The following NEB variants were observed in gnomAD, a reference collection of about 807,000 sequenced individuals.
NEB encodes the protein nebulin.
A neutral mutation model predicts 952.2 loss-of-function variants in NEB; 512 were observed. That is an observed-to-expected ratio of 0.54 (90% CI 0.50 to 0.58). The LOEUF is 0.58. Ranked by LOEUF, NEB falls within the 20% of genes least tolerant of loss-of-function variation. The probability of loss-of-function intolerance (pLI) is 0.00; values close to 1 mark genes in which losing one functional copy is unlikely to be tolerated. For missense variants in NEB, 8,428 were observed against 9,231.1 expected (o/e 0.91, Z 3.56); for synonymous variants, 2,900 against 3,149.8 (o/e 0.92, Z 2.66).
chr2:151,708,041 G>C, intron 12 of NEB, among the ~76,000 whole-genome samples: 1 of 152,144 alleles, frequency 6.6e-6, no homozygotes, highest in East Asian at 1.9e-4. Flanking sequence ...CCCCTGTTAT[G>C]CAGATGAACT....
intron 181 of NEB, among the ~76,000 whole-genome samples, chr2:151,488,223 G>A (rs1297706715): frequency 6.6e-6 from 1 of 151,972 alleles, no homozygotes; most frequent in Non-Finnish European, 1.5e-5. Flanking sequence ...TGCTGTAAAT[G>A]TTTTCTCCCA....
rs143898397 is a variant in NEB, at chr2:151,574,077, C to T, written c.17013+1618G>A. Among the ~76,000 whole-genome samples, 10 of 152,262 alleles carry T rather than the reference C, an allele frequency of 6.6e-5. No homozygotes were observed. The East Asian group carries it at 1.9e-3, about 29-fold the overall frequency. ...CTAGCTCCGCCTCCTGGGTTTCACGCCATTCTCCTGCCTCAGTCTCCTGAG... is the reference window on the plus strand; with the variant it reads ...CTAGCTCCGCCTCCTGGGTTTCACGTCATTCTCCTGCCTCAGTCTCCTGAG... On this transcript the variant is annotated intron_variant, in intron 107 of 181. Transcript: ENST00000397345.
chr2:151,493,624 C>T (rs780088907), intron 175 of NEB, 151 bp downstream of exon 175: 19 of 736,906 alleles, frequency 2.6e-5, no homozygotes, highest in South Asian at 4.4e-5. Flanking sequence ...ACTGTGACCT[C>T]GTGGGGTTGG....
At chr2:151,705,296 T>C (rs926662973) in intron 13 of NEB, among the ~76,000 whole-genome samples, 36 of 152,166 alleles carry the variant, frequency 2.4e-4, no homozygotes, top group African/African-American at 8.4e-4. Flanking sequence ...ATAAAGCAGA[T>C]TATTGTCACT....
intron 159 of NEB, 37 bp downstream of exon 159, chr2:151,514,281 G>C (rs372680599): frequency 2.8e-5 from 39 of 1,394,848 alleles, no homozygotes; most frequent in Admixed American, 1.0e-4. Context: ...AAATGATGCT[G>C]TATGAATTAC....
At chr2:151,709,075 G>T (rs1164341621) in intron 12 of NEB, among the ~76,000 whole-genome samples, 1 of 152,218 alleles carries the variant, frequency 6.6e-6, no homozygotes, top group Non-Finnish European at 1.5e-5. Context: ...TCGTGCTTTA[G>T]AATGCTAAGG....
chr2:151,658,435 A>G (rs2099110138), intron 47 of NEB, among the ~76,000 whole-genome samples: 1 of 152,172 alleles, frequency 6.6e-6, no homozygotes, highest in South Asian at 2.1e-4. Context: ...ACATCAAAAG[A>G]AAACATCTCT....
chr2:151,634,001 A>G, intron 64 of NEB, 36 bp from the exon 65 acceptor site: 1 of 1,593,488 alleles, frequency 6.3e-7, no homozygotes, highest in Non-Finnish European at 8.6e-7. Flanking sequence ...TTTTTATTGT[A>G]ACCCCTTAGA....
chr2:151,612,203 C>T lies in NEB; in HGVS notation c.11788G>A (p.Ala3930Thr), dbSNP rs750355299. The change falls in exon 78 of 182, where the codon GCC becomes ACC. Residue 3930 changes from alanine to threonine, a missense_variant. Transcript: ENST00000397345. ...TPEIVLAKNN[A>T]LTMSKHLYTE... ...AGACTCACCTTGCTCATTGTCAGGG[C>T]ATTATTCTTTGCTAGGACAATTTCC... 3 of 1,613,658 alleles carry T rather than the reference C, an allele frequency of 1.9e-6. No individual in the cohort carries two copies. The highest frequency in any genetic ancestry group is 4.5e-5 in the East Asian group (2 of 44,848).
Position 151,485,719 on chromosome 2 carries a change from G to A in NEB, c.*41C>T. 1.3e-6 allele frequency: 2 copies of A among 1,559,054 alleles called. No homozygotes were observed. The highest frequency in any genetic ancestry group is 1.7e-6 in the Non-Finnish European group (2 of 1,148,104). On this transcript the variant is annotated 3_prime_UTR_variant, in exon 182 of 182. Coordinates refer to ENST00000397345, the MANE Select transcript of NEB (RefSeq NM_001164508.2). ...GTCTAAACCGAAACATTGACTGCAG[G>A]ATCTGTAAGTCCTGCAGACAAGTGT...
Position 151,562,003 on chromosome 2 carries a change from A to AGCCTACAC in NEB, c.18996+99_18996+106dup, listed in dbSNP as rs1222343464. On this transcript the variant is annotated intron_variant, in intron 121 of 181. Coordinates refer to ENST00000397345, the MANE Select transcript of NEB (RefSeq NM_001164508.2). ...GAGAGGAGGGGCTTTGGTCAGTTAG[A>AGCCTACAC]GCCTACACTGTTACAGCAACTTTCT... 3 of 824,260 alleles carry AGCCTACAC rather than the reference A, an allele frequency of 3.6e-6. No individual in the cohort carries two copies. In the East Asian group the frequency reaches 7.3e-5, roughly 20 times the overall value. The allele number at this position is 824,260 out of a possible 1,614,324, so 51.1% of individuals were successfully genotyped here.
intron 37 of NEB, 122 bp from the exon 38 acceptor site, chr2:151,671,351 G>T: frequency 2.6e-6 from 2 of 774,176 alleles, no homozygotes; most frequent in Non-Finnish European, 2.1e-6. Context: ...ATGTCTGACT[G>T]TCTGTCACAG....
In NEB at chr2:151,547,729, G is replaced by A. The variant is rs765006379; in HGVS notation, c.20167C>T (p.Arg6723Trp). ...TCTTTCAGTTTGTGGTACAATTCCC[G>A]ATACAGTCTCTACGTTGGAGGAAAT... is the stretch of plus-strand genomic sequence containing the variant. ...VNNVTSERLY[R>W]ELYHKLKDKI... is the part of the protein sequence containing the mutation. Residue 6723 changes from arginine (R) to tryptophan (W), a missense_variant, in exon 132 of 182, where the codon CGG becomes TGG. This residue lies in a region of NEB where 3,374 missense variants were observed against 3,651.5 expected (regional missense o/e 0.92). Coordinates refer to ENST00000397345, the MANE Select transcript of NEB (RefSeq NM_001164508.2). The A allele has an allele frequency of 8.7e-6, 14 of 1,612,400 alleles. No individual in the cohort carries two copies. Among genetic ancestry groups the A allele is most frequent in the South Asian group, 7.7e-5 (7 of 90,818 alleles).
At chr2:151,540,643 T>C in intron 137 of NEB, 54 bp downstream of exon 137, 1 of 1,508,474 alleles carries the variant, frequency 6.6e-7, no homozygotes, top group South Asian at 1.1e-5. Flanking sequence ...GGGAAGGTTT[T>C]AACAAAGTAT....
chr2:151,678,012 A>G lies in NEB; in HGVS notation c.3431T>C (p.Phe1144Ser). ...KSKYNTPHDM[F>S]NVVAAKKAQD... ...GGCTTTCTTAGCCGCCACGACATTGAACATATCATGGGGCGTGTTGTATTT... is the reference window on the plus strand; with the variant it reads ...GGCTTTCTTAGCCGCCACGACATTGGACATATCATGGGGCGTGTTGTATTT... Residue 1144 changes from phenylalanine (F) to serine (S), a missense_variant, in exon 33 of 182, where the codon TTC becomes TCC. By Grantham distance (155) the Phe-to-Ser change is radical. Around this residue, in one of 11 missense-constraint regions of NEB, gnomAD observed 2,851 missense variants for 2,791.5 expected, o/e 1.02. Coordinates refer to ENST00000397345, the MANE Select transcript of NEB (RefSeq NM_001164508.2). 6.2e-7 allele frequency: 1 copy of G among 1,613,986 alleles called. No individual in the cohort carries two copies. Among genetic ancestry groups the G allele is most frequent in the Non-Finnish European group, 8.5e-7 (1 of 1,179,884 alleles).
chr2:151,625,489 A>G, intron 71 of NEB, 45 bp downstream of exon 71: 5 of 1,400,138 alleles, frequency 3.6e-6, no homozygotes, highest in Non-Finnish European at 3.9e-6. Flanking sequence ...TACATCGGCA[A>G]CAATCAATGT....
chr2:151,618,852 C>G (rs1037627693), intron 73 of NEB, among the ~76,000 whole-genome samples: 2 of 152,144 alleles, frequency 1.3e-5, no homozygotes, highest in African/African-American at 2.4e-5. Flanking sequence ...TCAAAAAATT[C>G]TCACTTTTAT....
chr2:151,675,263 C>T, intron 35 of NEB, 24 bp downstream of exon 35: 1 of 1,477,770 alleles, frequency 6.8e-7, no homozygotes, highest in Non-Finnish European at 9.3e-7. Flanking sequence ...CCGAATTTCA[C>T]ATCCCAGCAA....
intron 106 of NEB, 27 bp from the exon 107 acceptor site, chr2:151,575,826 A>T: frequency 7.0e-7 from 1 of 1,436,594 alleles, no homozygotes; most frequent in East Asian, 2.3e-5. Context: ...AAATAATAAA[A>T]TTACTTCACA....
Sources: gnomAD v4.1 joint callset for allele counts (sites outside exome capture counted in the v4.1 genomes callset) on GRCh38, gnomAD v4.1.1 for gene constraint, gnomAD v4.1.1 regional missense constraint, MANE v1.5 for transcripts, NCBI Gene and HGNC (gene_info 2026-07-23, HGNC 2026-07-21) for gene names.